The following GIGYF1 variants were observed in gnomAD, a reference collection of about 807,000 sequenced individuals.
GIGYF1 encodes the protein GRB10-interacting GYF protein 1.
Under a neutral mutation model 147.1 loss-of-function variants are expected in GIGYF1, and 84 were observed. That is an observed-to-expected ratio of 0.57 (90% confidence interval 0.48 to 0.68). GIGYF1 has a LOEUF of 0.68. Ranked by LOEUF, GIGYF1 falls within the 30% of genes least tolerant of loss-of-function variation. The pLI, the probability that GIGYF1 is intolerant of heterozygous loss-of-function variation, is 0.00. For missense variants in GIGYF1, 1,485 were observed against 1,393.7 expected (o/e 1.07, Z -1.04); for synonymous variants, 752 against 589.5 (o/e 1.28, Z -3.99).
In GIGYF1 at chr7:100,681,909, C is replaced by T; in HGVS notation, c.3010G>A (p.Ala1004Thr). The T allele has an allele frequency of 6.2e-7, 1 of 1,611,376 alleles. No individual in the cohort carries two copies. Residue 1004 changes from alanine (A) to threonine (T), a missense_variant, in exon 26 of 27, where the codon GCC becomes ACC. By Grantham distance (58) the Ala-to-Thr change is moderately conservative. Transcript: ENST00000678049. The part of the protein sequence containing the change: ...TKLGPGEGSK[A>T]KRRALMLHSD... ...TGCAGCATCAGTGCCCGCCTCTTGG[C>T]CTTGCTGCCCTCCCCGGGGCCGAGT...
In GIGYF1 at chr7:100,687,290, C is replaced by G. The variant is rs221796; in HGVS notation, c.482+8G>C. The G allele has an allele frequency of 0.89, 1,438,455 of 1,611,220 alleles. 643,189 individuals are homozygous for G. The highest frequency in any genetic ancestry group is 0.97 in the African/African-American group (72,762 of 75,014). ...CCGGCTCTGCGCCATGCCCCCTCCCCGCCCCACCTGTCATCCCAGCTCTGG... is the reference window on the plus strand; with the variant it reads ...CCGGCTCTGCGCCATGCCCCCTCCCGGCCCCACCTGTCATCCCAGCTCTGG... On this transcript the variant is annotated splice_region_variant and intron_variant, in intron 8 of 26. Coordinates refer to ENST00000678049, the MANE Select transcript of GIGYF1 (RefSeq NM_001375765.1).
rs1011755262 is a variant in GIGYF1, at chr7:100,685,040, C to A, written c.1290+9G>T. 6 of 1,561,868 alleles carry A rather than the reference C, an allele frequency of 3.8e-6. No homozygotes were observed. In the Admixed American group the frequency reaches 1.1e-4, roughly 30 times the overall value. On this transcript the variant is annotated intron_variant, in intron 14 of 26. Coordinates refer to ENST00000678049, the MANE Select transcript of GIGYF1 (RefSeq NM_001375765.1). ...GAAGGGTCCCTCCCGCTTTCTCAGG[C>A]CCCCACACCTGCTGCAGGTGCTTCA...
chr7:100,688,089 G>A lies in GIGYF1; in HGVS notation c.57C>T (p.Gly19=), dbSNP rs202246782. The change falls in exon 5 of 27, where the codon GGC becomes GGT. Residue 19 remains glycine, a synonymous_variant. Coordinates refer to ENST00000678049, the MANE Select transcript of GIGYF1 (RefSeq NM_001375765.1). ...ACGGGGGTGGGGAGGCCACGCTGCC[G>A]CCCCCGGACAGGGCCCTGAGCCTGG... The part of the protein sequence containing the change: ...GPEWLRALSG[G]GSVASPPPSP... The A allele has an allele frequency of 3.5e-4, 569 of 1,609,906 alleles. 10 individuals are homozygous for A. In the South Asian group the frequency reaches 5.7e-3, roughly 16 times the overall value.
Position 100,687,883 on chromosome 7 carries a change from C to T in GIGYF1, c.166G>A (p.Val56Ile). 1 of 1,613,630 alleles carries T rather than the reference C, an allele frequency of 6.2e-7. No homozygotes were observed. The highest frequency in any genetic ancestry group is 8.5e-7 in the Non-Finnish European group (1 of 1,179,994). Residue 56 changes from valine to isoleucine, a missense_variant and splice_region_variant, in exon 6 of 27, where the codon GTC becomes ATC. Val to Ile is a conservative substitution (Grantham distance 29, BLOSUM62 3). Transcript: ENST00000678049. ...TCCTTGTCCTGCAGCTCTTCCGGGACCTGGCAGTGGGTTGGGACAGCCAAG... is the reference window on the plus strand; with the variant it reads ...TCCTTGTCCTGCAGCTCTTCCGGGATCTGGCAGTGGGTTGGGACAGCCAAG... ...MLALYVKENKVPEELQDKEFA... is the reference protein window; with the variant it reads ...MLALYVKENKIPEELQDKEFA...
intron 1 of GIGYF1, among the ~76,000 whole-genome samples, chr7:100,693,587 GCAAGGCC>G (rs941593261): frequency 3.9e-5 from 6 of 152,202 alleles, no homozygotes; most frequent in African/African-American, 1.4e-4. Context: ...CTGGGGAACC[GCAAGGCC>G]CAGCTCGTTC....
rs747394342 is a variant in GIGYF1, at chr7:100,686,819, G to A, written c.524C>T (p.Ala175Val). Reference protein sequence around the residue: ...RFEKSARRDGARCGFEEGGAG... With the variant: ...RFEKSARRDGVRCGFEEGGAG... The stretch of plus-strand genomic sequence containing the variant: ...CCCTCCCTCCTCAAAGCCACATCGT[G>A]CTGGGAGACGGGAAGACAGGGGCAG... Residue 175 changes from alanine (A) to valine (V), a missense_variant and splice_region_variant, in exon 10 of 27, where the codon GCA (alanine) becomes GTA (valine). Coordinates refer to ENST00000678049, the MANE Select transcript of GIGYF1 (RefSeq NM_001375765.1). 4 of 1,613,640 alleles carry A rather than the reference G, an allele frequency of 2.5e-6. No homozygotes were observed. In the African/African-American group the frequency reaches 4.0e-5, roughly 16 times the overall value.
At position 100,686,021 on chromosome 7, in the gene GIGYF1, T is replaced by A. The variant is rs888919719; in HGVS notation, c.1007A>T (p.Glu336Val). The A allele has an allele frequency of 1.2e-6, 2 of 1,611,208 alleles. No individual in the cohort carries two copies. Among genetic ancestry groups the A allele is most frequent in the Non-Finnish European group, 8.5e-7 (1 of 1,179,546 alleles). Residue 336 changes from glutamate to valine, a missense_variant, in exon 12 of 27, where the codon GAG (glutamate) becomes GTG (valine). Physicochemically the swap from Glu to Val is moderately radical, Grantham distance 121. Transcript: ENST00000678049. ...TAGCCCTTCGGAAGGTTCCTCCTCC[T>A]CCTCCAACCCTTGGAAGTCCAGCTC... is the stretch of plus-strand genomic sequence containing the variant. ...EQELDFQGLE[E>V]EEEPSEGLEE...
chr7:100,686,892 G>A lies in GIGYF1; in HGVS notation c.524-73C>T. On this transcript the variant is annotated intron_variant, in intron 9 of 26. Transcript: ENST00000678049. ...CCTGGACCCTCAAGAAACGTTGGGG[G>A]GGCCAGCTCCAGGCCCTCCTGCCCC... 1.4e-5 allele frequency: 22 copies of A among 1,604,032 alleles called. No individual in the cohort carries two copies. In the South Asian group the frequency reaches 2.3e-4, roughly 17 times the overall value.
intron 1 of GIGYF1, among the ~76,000 whole-genome samples, chr7:100,691,074 GGAA>G (rs1233819532): frequency 6.6e-6 from 1 of 152,204 alleles, no homozygotes; most frequent in Non-Finnish European, 1.5e-5. Context: ...GTCTGGTGCC[GGAA>G]GCTGATGGTG....
At chr7:100,692,258 A>G (rs1487731875) in intron 1 of GIGYF1, among the ~76,000 whole-genome samples, 1 of 152,186 alleles carries the variant, frequency 6.6e-6, no homozygotes, top group African/African-American at 2.4e-5. Flanking sequence ...TCTCTGAGCC[A>G]TCCCAGCAAA....
intron 1 of GIGYF1, among the ~76,000 whole-genome samples, chr7:100,691,606 G>A (rs1055002594): frequency 4.0e-5 from 6 of 151,516 alleles, no homozygotes; most frequent in South Asian, 2.1e-4. Flanking sequence ...AGGAGGTGGC[G>A]GGGGCTGGGG....
intron 11 of GIGYF1, 50 bp from the exon 12 acceptor site, chr7:100,686,129 G>A (rs758066213): frequency 6.9e-5 from 111 of 1,601,794 alleles, no homozygotes; most frequent in South Asian, 2.0e-4. Context: ...TGGGTGGGGA[G>A]GAAGAGGACC....
Position 100,683,415 on chromosome 7 carries a change from CCT to C in GIGYF1, c.2080_2081del (p.Arg694GlyfsTer126). On this transcript the variant is annotated frameshift_variant, in exon 21 of 27. Transcript: ENST00000678049. LOFTEE classifies it high-confidence loss of function. ...KFQERREVELRAKREEEERKR... is the reference protein window; with the variant it reads ...KFQERREVELXAKREEEERKR... ...TGCGTTCCTCTTCCTCCCGCTTCGC[CCT>C]GAGCTCCACTTCTCTGCGCTCCTGG... 6.2e-7 allele frequency: 1 copy of C among 1,613,976 alleles called. No individual in the cohort carries two copies. The highest frequency in any genetic ancestry group is 8.5e-7 in the Non-Finnish European group (1 of 1,180,024).
In GIGYF1 at chr7:100,683,185, C is replaced by A; in HGVS notation, c.2239G>T (p.Ala747Ser). ...LLLKLLQQQQ[A>S]VPVPPAPSSP... ...CTGGGTGCGGGGGGCACAGGGACCG[C>A]CTGCTGCTGCTGTAGCAACTTCAGC... is the stretch of plus-strand genomic sequence containing the variant. The change falls in exon 22 of 27, where the codon GCG becomes TCG. Residue 747 changes from alanine (A) to serine (S), a missense_variant. Ala to Ser is a moderately conservative substitution (Grantham distance 99). Coordinates refer to ENST00000678049, the MANE Select transcript of GIGYF1 (RefSeq NM_001375765.1). 1 of 1,607,036 alleles carries A rather than the reference C, an allele frequency of 6.2e-7. No homozygotes were observed. Among genetic ancestry groups the A allele is most frequent in the Admixed American group, 1.7e-5 (1 of 59,830 alleles).
At chr7:100,690,155 A>T (rs1805716206) in intron 1 of GIGYF1, among the ~76,000 whole-genome samples, 1 of 152,178 alleles carries the variant, frequency 6.6e-6, no homozygotes, top group South Asian at 2.1e-4. Context: ...TCATTTTTTT[A>T]AAAAAGCTTT....
chr7:100,681,761 C>A lies in GIGYF1; in HGVS notation c.3066G>T (p.Leu1022=). The change falls in exon 27 of 27, where the codon CTG becomes CTT. Residue 1022 remains leucine (L), a synonymous_variant. Coordinates refer to ENST00000678049, the MANE Select transcript of GIGYF1 (RefSeq NM_001375765.1). ...HSDPSILGYS[L]HGSSGEIESV... The stretch of plus-strand genomic sequence containing the variant: ...TCTCGATCTCACCAGAAGATCCGTG[C>A]AGGGAGTACCCTGAAGCCGGGGAGA... The A allele has an allele frequency of 6.3e-7, 1 of 1,587,906 alleles. No individual in the cohort carries two copies. The highest frequency in any genetic ancestry group is 8.6e-7 in the Non-Finnish European group (1 of 1,166,034).
chr7:100,686,147 G>A (rs1207990130), intron 11 of GIGYF1, 33 bp downstream of exon 11: 2 of 1,601,474 alleles, frequency 1.2e-6, no homozygotes, highest in African/African-American at 1.3e-5. Flanking sequence ...ACCCCGGAAG[G>A]GCAGGTTCCC....
Position 100,685,087 on chromosome 7 carries a change from C to A in GIGYF1, c.1252G>T (p.Asp418Tyr). The change falls in exon 14 of 27, where the codon GAT becomes TAT. Residue 418 changes from aspartate (D) to tyrosine (Y), a missense_variant. Transcript: ENST00000678049. ...TTCAAGCCTTCATCATCCTCCAGAT[C>A]TCCGGGTGGGCCAGCAGAGGAGCCC... Reference protein sequence around the residue: ...GVGSSAGPPGDLEDDEGLKHL... With the variant: ...GVGSSAGPPGYLEDDEGLKHL... 3.8e-6 allele frequency: 6 copies of A among 1,579,246 alleles called. No individual in the cohort carries two copies. The highest frequency in any genetic ancestry group is 5.2e-6 in the Non-Finnish European group (6 of 1,161,510).
At chr7:100,685,853 C>G (rs1805272849) in intron 12 of GIGYF1, 121 bp downstream of exon 12, 1 of 785,650 alleles carries the variant, frequency 1.3e-6, no homozygotes, top group African/African-American at 1.7e-5. Flanking sequence ...TCTCAGCACT[C>G]TTCTTCCAGA....
Sources: allele counts gnomAD v4.1 joint callset (sites outside exome capture counted in the v4.1 genomes callset), GRCh38; gene constraint gnomAD v4.1.1; transcripts MANE v1.5; gene names NCBI Gene and HGNC (gene_info 2026-07-23, HGNC 2026-07-21).